Variants in CEP55 observed in about 807,000 individuals in gnomAD.
CEP55 encodes centrosomal protein of 55 kDa.
A neutral mutation model predicts 63.2 loss-of-function variants in CEP55; 57 were observed. That is an observed-to-expected ratio of 0.90 (90% CI 0.73 to 1.13). CEP55 has a LOEUF of 1.13. CEP55 is among the 50% of genes most tolerant of loss of function. The pLI is 0.00. For missense variants in CEP55, 456 were observed against 518.9 expected, an observed-to-expected ratio of 0.88 and a Z score of 1.18; for synonymous variants, 178 against 191.6, an observed-to-expected ratio of 0.93 and a Z score of 0.59.
rs1472234755 is a variant in CEP55, at chr10:93,526,664, GCAAAGACTTGGAA to G, written c.1192-1284_1192-1272del. Among the ~76,000 whole-genome samples the G allele has an allele frequency of 2.4e-3, 361 of 152,070 alleles. 2 individuals are homozygous for G. Among genetic ancestry groups the G allele is most frequent in the Middle Eastern group, 6.8e-3 (2 of 294 alleles). ...GTTTATTGTGGCACTATTCACAATA[GCAAAGACTTGGAA>G]CCAACCCAAATGTCCAACAACGATA... On this transcript the variant is annotated intron_variant, in intron 8 of 8. Coordinates refer to ENST00000371485, the MANE Select transcript of CEP55 (RefSeq NM_018131.5).
intron 8 of CEP55, among the ~76,000 whole-genome samples, chr10:93,521,352 C>T (rs2057860341): frequency 6.6e-6 from 1 of 152,150 alleles, no homozygotes; most frequent in African/African-American, 2.4e-5. Flanking sequence ...TCATTGCTAC[C>T]ACAGCAGTCT....
chr10:93,515,028 CT>C (rs1213228713), intron 4 of CEP55, among the ~76,000 whole-genome samples: 1 of 152,172 alleles, frequency 6.6e-6, no homozygotes, highest in Non-Finnish European at 1.5e-5. Flanking sequence ...CACCCTCGGC[CT>C]CTCAAAGTGC....
chr10:93,506,894 C>G (rs1281715869), intron 3 of CEP55, 94 bp from the exon 4 acceptor site: 1 of 842,018 alleles, frequency 1.2e-6, no homozygotes. Context: ...TTTCGGGATG[C>G]CCCCGTGAGT....
Position 93,515,389 on chromosome 10 carries a change from T to C in CEP55, c.529-16T>C. ...TTTTTATTTTACTGTTGATTTTCTTTCATCTTCCCATTAAGGCTCTGGAGA... is the reference window on the plus strand; with the variant it reads ...TTTTTATTTTACTGTTGATTTTCTTCCATCTTCCCATTAAGGCTCTGGAGA... On this transcript the variant is annotated splice_polypyrimidine_tract_variant and intron_variant, in intron 4 of 8. Transcript: ENST00000371485. 6.4e-7 allele frequency: 1 copy of C among 1,567,416 alleles called. No homozygotes were observed. The highest frequency in any genetic ancestry group is 8.7e-7 in the Non-Finnish European group (1 of 1,149,920).
chr10:93,498,963 T>C (rs990767005), intron 1 of CEP55, among the ~76,000 whole-genome samples: 1 of 152,094 alleles, frequency 6.6e-6, no homozygotes, highest in African/African-American at 2.4e-5. Flanking sequence ...ATACATGAAG[T>C]AGAAAAATGT....
chr10:93,497,916 C>T (rs527569963), intron 1 of CEP55, among the ~76,000 whole-genome samples: 4 of 151,834 alleles, frequency 2.6e-5, no homozygotes, highest in South Asian at 2.1e-4. Context: ...GTCAGGAGTT[C>T]GAGACTAGCC....
intron 4 of CEP55, among the ~76,000 whole-genome samples, chr10:93,515,035 A>AGT (rs746951854): frequency 5.8e-4 from 88 of 152,178 alleles, no homozygotes; most frequent in South Asian, 2.5e-3. Flanking sequence ...GGCCTCTCAA[A>AGT]GTGCTGGGAT....
At chr10:93,499,873 A>T (rs2057614373) in intron 1 of CEP55, among the ~76,000 whole-genome samples, 167 bp from the exon 2 acceptor site, 1 of 149,094 alleles carries the variant, frequency 6.7e-6, no homozygotes, top group Non-Finnish European at 1.5e-5. Context: ...CACTGAGATT[A>T]AAAAAAAAAG....
chr10:93,518,853 A>G (rs762926877), intron 6 of CEP55, 24 bp from the exon 7 acceptor site: 2 of 1,558,238 alleles, frequency 1.3e-6, no homozygotes, highest in South Asian at 2.3e-5. Context: ...ATGTGACAGC[A>G]TTGGTTCTCT....
At position 93,518,865 on chromosome 10, in the gene CEP55, T is replaced by C; in HGVS notation, c.994-12T>C. ...TGGATGTGACAGCATTGGTTCTCTT[T>C]ATGTCCTACAGGTCCAGTTTCTTTA... On this transcript the variant is annotated splice_polypyrimidine_tract_variant and intron_variant, in intron 6 of 8. Coordinates refer to ENST00000371485, the MANE Select transcript of CEP55 (RefSeq NM_018131.5). 3 of 1,586,696 alleles carry C rather than the reference T, an allele frequency of 1.9e-6. No individual in the cohort carries two copies. Among genetic ancestry groups the C allele is most frequent in the Non-Finnish European group, 2.6e-6 (3 of 1,161,092 alleles).
chr10:93,523,913 C>A (rs1483097047), intron 8 of CEP55, among the ~76,000 whole-genome samples: 2 of 152,132 alleles, frequency 1.3e-5, no homozygotes, highest in African/African-American at 4.8e-5. Flanking sequence ...TGCAACATAC[C>A]AGAATCTCTG....
chr10:93,500,043 A>G lies in CEP55; in HGVS notation c.-9A>G, dbSNP rs2057616199. 6.3e-7 allele frequency: 1 copy of G among 1,587,458 alleles called. No homozygotes were observed. The highest frequency in any genetic ancestry group is 8.6e-7 in the Non-Finnish European group (1 of 1,168,826). ...CAGTTGATTTTTATTTTTACAGACC[A>G]TTTCAGAGATGTCTTCCAGAAGTAC... On this transcript the variant is annotated 5_prime_UTR_variant, in exon 2 of 9. Transcript: ENST00000371485.
At chr10:93,518,468 C>T (rs1411585755) in intron 6 of CEP55, among the ~76,000 whole-genome samples, 1 of 152,078 alleles carries the variant, frequency 6.6e-6, no homozygotes, top group Non-Finnish European at 1.5e-5. Context: ...TAGTCTTTAC[C>T]ACTCACACTT....
intron 4 of CEP55, 28 bp from the exon 5 acceptor site, chr10:93,515,377 G>A (rs779946222): frequency 3.8e-6 from 6 of 1,558,466 alleles, no homozygotes; most frequent in Non-Finnish European, 5.2e-6. Context: ...TTATTTTACT[G>A]TTGATTTTCT....
chr10:93,507,969 A>G (rs1397650349), intron 4 of CEP55, among the ~76,000 whole-genome samples: 1 of 152,150 alleles, frequency 6.6e-6, no homozygotes, highest in Admixed American at 6.5e-5. Context: ...TTATAATGTA[A>G]TTTAATTTGT....
rs948696504 is a variant in CEP55 at position 93,525,303 on chromosome 10, G to C, written c.1192-2647G>C. On this transcript the variant is annotated intron_variant, in intron 8 of 8. Transcript: ENST00000371485. ...CATTCTTATACACCAATAACAGACA[G>C]AGAGCCAAATCATGAGTGAACTCTC... 2.8e-3 allele frequency among the ~76,000 whole-genome samples: 426 copies of C among 152,120 alleles called. 2 individuals are homozygous for C. The highest frequency in any genetic ancestry group is 5.1e-3 in the Non-Finnish European group (348 of 67,930).
At chr10:93,510,563 A>G (rs945651184) in intron 4 of CEP55, 1 of 152,168 alleles carries the variant, frequency 6.6e-6, no homozygotes, top group African/African-American at 2.4e-5. Context: ...ACAGCCGTTT[A>G]AACCCATATA....
chr10:93,505,752 A>T (rs1457425952), intron 3 of CEP55, among the ~76,000 whole-genome samples: 1 of 152,170 alleles, frequency 6.6e-6, no homozygotes, highest in Non-Finnish European at 1.5e-5. Flanking sequence ...CTACCTAGCC[A>T]CCCACTTCTC....
chr10:93,505,476 C>A (rs1321209056), intron 3 of CEP55, among the ~76,000 whole-genome samples: 4 of 152,178 alleles, frequency 2.6e-5, no homozygotes, highest in African/African-American at 9.7e-5. Flanking sequence ...TCCACTGGAA[C>A]ATGGCTCCAC....
Sources: gnomAD v4.1 joint callset for allele counts (sites outside exome capture counted in the v4.1 genomes callset) on GRCh38, gnomAD v4.1.1 for gene constraint, MANE v1.5 for transcripts, NCBI Gene and HGNC (gene_info 2026-07-23, HGNC 2026-07-21) for gene names.